Variants in ABCC3 observed in about 807,000 individuals in gnomAD.
The protein encoded by ABCC3 is ATP-binding cassette sub-family C member 3.
A neutral mutation model predicts 165.3 loss-of-function variants in ABCC3; 121 were observed. That is an observed-to-expected ratio of 0.73 (90% CI 0.63 to 0.85). ABCC3 has a LOEUF of 0.85. ABCC3 is among the 40% of genes least tolerant of loss of function. The pLI, the probability that ABCC3 is intolerant of heterozygous loss-of-function variation, is 0.00. For missense variants in ABCC3, 1,869 were observed against 1,964.1 expected (o/e 0.95, Z 0.92); for synonymous variants, 733 against 810.1 (o/e 0.90, Z 1.62).
chr17:50,663,123 A>T (rs1356270071), intron 8 of ABCC3: 1 of 135,694 alleles, frequency 7.4e-6, no homozygotes. Context: ...GTGGCTAAGC[A>T]AGAAGGCAGG....
intron 29 of ABCC3, among the ~76,000 whole-genome samples, chr17:50,686,439 T>C (rs1056720285): frequency 6.6e-6 from 1 of 152,052 alleles, no homozygotes; most frequent in Admixed American, 6.6e-5. Context: ...GGCCCCTCAT[T>C]ATCCCAAGGG....
chr17:50,656,126 C>A (rs1387452136), intron 2 of ABCC3, 118 bp downstream of exon 2: 15 of 916,582 alleles, frequency 1.6e-5, no homozygotes, highest in Admixed American at 3.9e-5. Context: ...CACTCTGTCG[C>A]CCAGGCTGGA....
chr17:50,683,965 G>T lies in ABCC3; in HGVS notation c.3971G>T (p.Arg1324Leu). ...HGGEKVGIVG[R>L]TGAGKSSMTL... ...TCCGCCCAGGTGGGGATCGTGGGCCGCACTGGGGCTGGCAAGTCTTCCATG... is the reference window on the plus strand; with the variant it reads ...TCCGCCCAGGTGGGGATCGTGGGCCTCACTGGGGCTGGCAAGTCTTCCATG... The change falls in exon 28 of 31, where the codon CGC (arginine) becomes CTC (leucine). Residue 1324 changes from arginine to leucine, a missense_variant. Transcript: ENST00000285238. 6.2e-7 allele frequency: 1 copy of T among 1,612,946 alleles called. No homozygotes were observed. Among genetic ancestry groups the T allele is most frequent in the Non-Finnish European group, 8.5e-7 (1 of 1,179,542 alleles).
In ABCC3 at chr17:50,684,756, C is replaced by G. The variant is rs766550481; in HGVS notation, c.4161C>G (p.Phe1387Leu). 1 of 1,614,156 alleles carries G rather than the reference C, an allele frequency of 6.2e-7. No homozygotes were observed. The highest frequency in any genetic ancestry group is 2.2e-5 in the East Asian group (1 of 44,878). The change falls in exon 29 of 31, where the codon TTC becomes TTG. Residue 1387 changes from phenylalanine to leucine, a missense_variant. Phe to Leu is a conservative substitution (Grantham distance 22). Transcript: ENST00000285238. The part of the protein sequence containing the change: ...SGTLRMNLDP[F>L]GSYSEEDIWW... ...CCCTGCGCATGAACCTGGACCCCTTCGGCAGCTACTCAGAGGAGGACATTT... is the reference window on the plus strand; with the variant it reads ...CCCTGCGCATGAACCTGGACCCCTTGGGCAGCTACTCAGAGGAGGACATTT...
At chr17:50,673,900 T>TTTTTC (rs1555595307) in intron 19 of ABCC3, among the ~76,000 whole-genome samples, 67 of 131,628 alleles carry the variant, frequency 5.1e-4, no homozygotes, top group Non-Finnish European at 8.2e-4. Context: ...TCAGAGCCTG[T>TTTTTC]TTTCTTTCTT....
In ABCC3 at chr17:50,674,024, CTCTCTCTCTCTCTTTCTTTCTT is replaced by C. The variant is rs1567835693; in HGVS notation, c.2599+370_2599+391del. Among the ~76,000 whole-genome samples, 22 of 29,640 alleles carry C rather than the reference CTCTCTCTCTCTCTTTCTTTCTT, an allele frequency of 7.4e-4. 2 individuals carry two copies. Among genetic ancestry groups the C allele is most frequent in the African/African-American group, 4.5e-3 (19 of 4,226 alleles). 19.4% of individuals were successfully genotyped at this position (29,640 alleles called of 152,430 possible). ...TCTCTCTCTCTCTCTCTCTCTCTCTCTCTCTCTCTCTCTTTCTTTCTTTCTTTCTTTCTTTCTTTCTTTCTTT... is the reference window on the plus strand; with the variant it reads ...TCTCTCTCTCTCTCTCTCTCTCTCTCTCTTTCTTTCTTTCTTTCTTTCTTT... On this transcript the variant is annotated intron_variant, in intron 19 of 30. Transcript: ENST00000285238.
chr17:50,653,384 A>G (rs1008991372), intron 1 of ABCC3, among the ~76,000 whole-genome samples: 6 of 151,558 alleles, frequency 4.0e-5, no homozygotes, highest in African/African-American at 1.5e-4. Flanking sequence ...AAGAAAAAGG[A>G]AAAGCTTTAG....
intron 26 of ABCC3, among the ~76,000 whole-genome samples, chr17:50,682,891 G>T (rs932343216): frequency 3.3e-5 from 5 of 152,142 alleles, no homozygotes; most frequent in African/African-American, 1.2e-4. Flanking sequence ...AGTTAGGGCA[G>T]GCAGGGAGGG....
At chr17:50,635,842 C>T in intron 1 of ABCC3, 1 of 473,586 alleles carries the variant, frequency 2.1e-6, no homozygotes, top group South Asian at 3.4e-5. Context: ...ATGATCGCAC[C>T]ACTGCACTGT....
chr17:50,657,289 A>G, intron 4 of ABCC3, 106 bp downstream of exon 4: 1 of 1,410,584 alleles, frequency 7.1e-7, no homozygotes. Flanking sequence ...CGAGGCTTCA[A>G]GTACAAACAC....
intron 1 of ABCC3, among the ~76,000 whole-genome samples, chr17:50,653,097 G>A: frequency 6.6e-6 from 1 of 152,166 alleles, no homozygotes; most frequent in East Asian, 1.9e-4. Flanking sequence ...TGTTATCCCA[G>A]CACTTTGGGA....
At chr17:50,683,267 G>A (rs1219006103) in intron 26 of ABCC3, among the ~76,000 whole-genome samples, 1 of 151,328 alleles carries the variant, frequency 6.6e-6, no homozygotes, top group East Asian at 1.9e-4. Flanking sequence ...CTAGCTACTA[G>A]GGAGGCTGAG....
chr17:50,676,502 A>G lies in ABCC3; in HGVS notation c.3292A>G (p.Ile1098Val), dbSNP rs1204744261. 1 of 1,612,938 alleles carries G rather than the reference A, an allele frequency of 6.2e-7. No individual in the cohort carries two copies. Among genetic ancestry groups the G allele is most frequent in the East Asian group, 2.2e-5 (1 of 44,756 alleles). Residue 1098 changes from isoleucine to valine, a missense_variant, in exon 23 of 31, where the codon ATC becomes GTC. Transcript: ENST00000285238. ...GCTGCTCAATTCCTTCTTCAACGCC[A>G]TCTCCACTCTTGTGGTCATCATGGC... ...LMLLNSFFNAISTLVVIMAST... is the reference protein window; with the variant it reads ...LMLLNSFFNAVSTLVVIMAST...
At chr17:50,652,814 C>T (rs947520361) in intron 1 of ABCC3, among the ~76,000 whole-genome samples, 41 of 152,326 alleles carry the variant, frequency 2.7e-4, no homozygotes, top group African/African-American at 9.4e-4. Flanking sequence ...ATCTGATTTG[C>T]TCCTGGACCC....
chr17:50,649,045 G>T (rs747657870), intron 1 of ABCC3, among the ~76,000 whole-genome samples: 2 of 150,920 alleles, frequency 1.3e-5, no homozygotes, highest in African/African-American at 2.4e-5. Flanking sequence ...CTCAGAGGCA[G>T]AGGTTGCAGT....
At position 50,673,972 on chromosome 17, in the gene ABCC3, C is replaced by G. The variant is rs1597856818; in HGVS notation, c.2599+314C>G. ...TCTTTCTTTCTTTCTTTCTTTCTTT[C>G]TTTCTTTCTCTCTCTCTCTCTCTCT... On this transcript the variant is annotated intron_variant, in intron 19 of 30. Transcript: ENST00000285238. Among the ~76,000 whole-genome samples the G allele has an allele frequency of 2.0e-4, 3 of 15,044 alleles. No homozygotes were observed. The South Asian group carries it at 9.1e-3, about 46-fold the overall frequency. 9.9% of individuals were successfully genotyped at this position (15,044 alleles called of 152,430 possible). A position where few individuals can be genotyped will look rare whatever the true frequency, so the allele number is the denominator to read the frequency against.
chr17:50,675,768 T>C lies in ABCC3; in HGVS notation c.2852T>C (p.Ile951Thr). The change falls in exon 21 of 31, where the codon ATT becomes ACT. Residue 951 changes from isoleucine to threonine, a missense_variant. Coordinates refer to ENST00000285238, the MANE Select transcript of ABCC3 (RefSeq NM_003786.4). ...CTGACCCAGGAGGAGAAAGCAGCCA[T>C]TGGCACTGTGAGTCGGTGGGGCAAG... is the stretch of plus-strand genomic sequence containing the variant. Reference protein sequence around the residue: ...GALTQEEKAAIGTVELSVFWD... With the variant: ...GALTQEEKAATGTVELSVFWD... The C allele has an allele frequency of 6.4e-7, 1 of 1,570,024 alleles. No homozygotes were observed. The highest frequency in any genetic ancestry group is 8.6e-7 in the Non-Finnish European group (1 of 1,157,148).
Position 50,679,895 on chromosome 17 carries a change from C to T in ABCC3, c.3803C>T (p.Thr1268Ile), listed in dbSNP as rs746546036. The T allele has an allele frequency of 3.7e-6, 6 of 1,613,242 alleles. No homozygotes were observed. In the South Asian group the frequency reaches 5.5e-5, roughly 15 times the overall value. ...ERVKEYSKTE[T>I]EAPWVVEGSR... The stretch of plus-strand genomic sequence containing the variant: ...GTCAAGGAGTACTCCAAGACAGAGA[C>T]AGAGGTGGGTACTGGCATGAGCCCG... Residue 1268 changes from threonine (T) to isoleucine (I), a missense_variant, in exon 26 of 31, where the codon ACA (threonine) becomes ATA (isoleucine). Physicochemically the swap from Thr to Ile is moderately conservative, Grantham distance 89. Transcript: ENST00000285238.
rs1432880547 is a variant in ABCC3 at position 50,634,898 on chromosome 17, C to A, written c.-39C>A. On this transcript the variant is annotated 5_prime_UTR_variant, in exon 1 of 31. Transcript: ENST00000285238. ...CGCCCGCTCTGCCCGCCGCTGGGTCCGACCGCGCTCGCCTTCCTTGCAGCC... is the reference window on the plus strand; with the variant it reads ...CGCCCGCTCTGCCCGCCGCTGGGTCAGACCGCGCTCGCCTTCCTTGCAGCC... The A allele has an allele frequency of 3.2e-6, 4 of 1,248,744 alleles. No homozygotes were observed. The highest frequency in any genetic ancestry group is 3.3e-5 in the South Asian group (1 of 30,270). 77.4% of individuals were successfully genotyped at this position (1,248,744 alleles called of 1,614,324 possible).
Sources: gnomAD v4.1 joint callset for allele counts (sites outside exome capture counted in the v4.1 genomes callset) on GRCh38, gnomAD v4.1.1 for gene constraint, MANE v1.5 for transcripts, NCBI Gene and HGNC (gene_info 2026-07-23, HGNC 2026-07-21) for gene names.